Variants in TTLL5 observed in about 807,000 individuals in gnomAD.
TTLL5 encodes tubulin polyglutamylase TTLL5.
Under a neutral mutation model 168.4 loss-of-function variants are expected in TTLL5, and 132 were observed. The ratio of observed to expected loss-of-function variants is 0.78; its 90% CI spans 0.68 to 0.91. TTLL5 has a LOEUF of 0.91. Among genes scored for constraint, TTLL5 ranks in the 40% least tolerant of loss-of-function variants. The probability of loss-of-function intolerance (pLI) is 0.00; values close to 1 mark genes in which losing one functional copy is unlikely to be tolerated. For missense variants in TTLL5, 1,545 were observed against 1,581.5 expected (o/e 0.98, Z 0.39); for synonymous variants, 546 against 558.6 (o/e 0.98, Z 0.32).
chr14:75,733,921 A>G lies in TTLL5; in HGVS notation c.1125-68A>G, dbSNP rs1888719173. On this transcript the variant is annotated intron_variant, in intron 13 of 31. Coordinates refer to ENST00000298832, the MANE Select transcript of TTLL5 (RefSeq NM_015072.5). ...TGGAAACTTTGCTATATTGGGACCC[A>G]TCAGAGGGCGGCTATTCTGTTAACC... The G allele has an allele frequency of 4.0e-6, 6 of 1,492,054 alleles. No individual in the cohort carries two copies. In the Admixed American group the frequency reaches 8.4e-5, roughly 21 times the overall value. The allele number at this position is 1,492,054 out of a possible 1,614,324, so 92.4% of individuals were successfully genotyped here.
intron 31 of TTLL5, among the ~76,000 whole-genome samples, chr14:75,938,885 T>C (rs1250923572): frequency 6.6e-6 from 1 of 152,168 alleles, no homozygotes; most frequent in Non-Finnish European, 1.5e-5. Context: ...CGGCTTCCTG[T>C]GAACTAGTAA....
At chr14:75,696,664 AAC>A (rs1885897927) in intron 6 of TTLL5, among the ~76,000 whole-genome samples, 1 of 152,226 alleles carries the variant, frequency 6.6e-6, no homozygotes, top group Non-Finnish European at 1.5e-5. Flanking sequence ...GAAATTCCAA[AAC>A]AGTCATCAGT....
chr14:75,713,607 G>T (rs1887241825), intron 9 of TTLL5, among the ~76,000 whole-genome samples: 1 of 152,194 alleles, frequency 6.6e-6, no homozygotes, highest in Admixed American at 6.5e-5. Context: ...ACCTAGAGAA[G>T]ATGAAATTTG....
At chr14:75,731,438 C>T (rs950030805) in intron 12 of TTLL5, among the ~76,000 whole-genome samples, 4 of 148,112 alleles carry the variant, frequency 2.7e-5, no homozygotes, top group South Asian at 2.2e-4. Context: ...TGTACATTAC[C>T]GTGATTTTTG....
intron 31 of TTLL5, among the ~76,000 whole-genome samples, chr14:75,926,156 C>CTTTTTTTTTTT (rs34048806): frequency 6.7e-5 from 2 of 29,958 alleles, no homozygotes; most frequent in Non-Finnish European, 1.0e-4. Flanking sequence ...GCAACCCCAG[C>CTTTTTTTTTTT]TTTTTTTTTT....
chr14:75,861,790 T>C (rs1298104453), intron 28 of TTLL5, among the ~76,000 whole-genome samples: 1 of 152,160 alleles, frequency 6.6e-6, no homozygotes, highest in East Asian at 1.9e-4. Context: ...GTTAAGGAGA[T>C]GGAAGGACTG....
chr14:75,835,344 C>T (rs1895811847), intron 28 of TTLL5: 1 of 152,200 alleles, frequency 6.6e-6, no homozygotes, highest in South Asian at 2.1e-4. Flanking sequence ...AGTTATACTC[C>T]TCATTCAGTC....
At chr14:75,899,540 C>T (rs961547832) in intron 30 of TTLL5, among the ~76,000 whole-genome samples, 1 of 152,222 alleles carries the variant, frequency 6.6e-6, no homozygotes, top group Non-Finnish European at 1.5e-5. Flanking sequence ...TCAAAAGTTT[C>T]CCCTTGGATT....
intron 15 of TTLL5, chr14:75,737,627 G>A (rs1402251537): frequency 1.0e-5 from 16 of 1,532,386 alleles, no homozygotes; most frequent in Non-Finnish European, 1.4e-5. Context: ...AGATCTTTTG[G>A]AGACTTCTTC....
chr14:75,783,366 C>G lies in TTLL5; in HGVS notation c.2822C>G (p.Ala941Gly). 6.2e-7 allele frequency: 1 copy of G among 1,614,190 alleles called. No homozygotes were observed. The highest frequency in any genetic ancestry group is 1.1e-5 in the South Asian group (1 of 91,082). ...ACAATTTTACTGAACACAGTCTCTG[C>G]CAGTGCTTCTCCCTGCCTACATCCC... ...QPTILLNTVS[A>G]SASPCLHPGA... Residue 941 changes from alanine (A) to glycine (G), a missense_variant, in exon 26 of 32, where the codon GCC becomes GGC. Ala to Gly is a moderately conservative substitution (Grantham distance 60). Coordinates refer to ENST00000298832, the MANE Select transcript of TTLL5 (RefSeq NM_015072.5).
intron 28 of TTLL5, among the ~76,000 whole-genome samples, chr14:75,836,476 GTAT>G (rs993198567): frequency 2.0e-5 from 3 of 152,024 alleles, no homozygotes; most frequent in Non-Finnish European, 4.4e-5. Context: ...GTAAGACCTA[GTAT>G]TTGCTAGCAT....
rs779549866 is a variant in TTLL5 at position 75,773,633 on chromosome 14, A to G, written c.2136+1779A>G. On this transcript the variant is annotated intron_variant, in intron 21 of 31. Coordinates refer to ENST00000298832, the MANE Select transcript of TTLL5 (RefSeq NM_015072.5). ...GCTGGGTGCGGTGGCTCATGCCTGTAATCCCAGCGCTTTGGGAGGCTGAGG... is the reference window on the plus strand; with the variant it reads ...GCTGGGTGCGGTGGCTCATGCCTGTGATCCCAGCGCTTTGGGAGGCTGAGG... Among the ~76,000 whole-genome samples, 48 of 151,960 alleles carry G rather than the reference A, an allele frequency of 3.2e-4. 2 individuals carry two copies. Among genetic ancestry groups the G allele is most frequent in the Admixed American group, 2.0e-3 (30 of 15,250 alleles).
At chr14:75,676,622 A>G (rs766245802) in intron 3 of TTLL5, among the ~76,000 whole-genome samples, 19 of 152,232 alleles carry the variant, frequency 1.2e-4, no homozygotes, top group Non-Finnish European at 2.8e-4. Context: ...GAGTTGGGTT[A>G]TAGTTAGGTG....
intron 13 of TTLL5, 121 bp downstream of exon 13, chr14:75,732,540 G>T: frequency 1.3e-6 from 1 of 783,118 alleles, no homozygotes; most frequent in Admixed American, 2.7e-5. Flanking sequence ...ATTAGGTGGA[G>T]ATAACCAGAC....
intron 3 of TTLL5, among the ~76,000 whole-genome samples, chr14:75,674,029 A>G (rs190327311): frequency 6.6e-6 from 1 of 152,340 alleles, no homozygotes; most frequent in African/African-American, 2.4e-5. Context: ...GATGTATTCT[A>G]TGGCAATAGG....
At chr14:75,941,682 T>C (rs1459774614) in intron 31 of TTLL5, among the ~76,000 whole-genome samples, 2 of 152,144 alleles carry the variant, frequency 1.3e-5, no homozygotes, top group Non-Finnish European at 2.9e-5. Flanking sequence ...TCTTTTTTTC[T>C]GAGACAGGTT....
intron 31 of TTLL5, among the ~76,000 whole-genome samples, chr14:75,929,078 A>G (rs912955159): frequency 6.6e-6 from 1 of 151,518 alleles, no homozygotes; most frequent in African/African-American, 2.4e-5. Flanking sequence ...ATTGTACACA[A>G]GGAGGGAATC....
At chr14:75,740,479 A>G (rs1231343385) in intron 15 of TTLL5, among the ~76,000 whole-genome samples, 1 of 152,122 alleles carries the variant, frequency 6.6e-6, no homozygotes, top group Non-Finnish European at 1.5e-5. Flanking sequence ...AAACATAATT[A>G]TAAGTGGTTT....
At chr14:75,821,976 A>G (rs1894859521) in intron 28 of TTLL5, among the ~76,000 whole-genome samples, 2 of 152,150 alleles carry the variant, frequency 1.3e-5, no homozygotes, top group Admixed American at 6.5e-5. Context: ...CTCTACCCCC[A>G]GGTGACCTCT....
Sources: gnomAD v4.1 joint callset for allele counts (sites outside exome capture counted in the v4.1 genomes callset) on GRCh38, gnomAD v4.1.1 for gene constraint, MANE v1.5 for transcripts, NCBI Gene and HGNC (gene_info 2026-07-23, HGNC 2026-07-21) for gene names.